The following CATSPERB variants were observed in gnomAD, a reference collection of about 807,000 sequenced individuals.
CATSPERB encodes the protein catsper channel auxiliary subunit beta.
A neutral mutation model predicts 128.3 loss-of-function variants in CATSPERB; 93 were observed. That is an observed-to-expected ratio of 0.72 (90% CI 0.61 to 0.86). The LOEUF (loss-of-function observed/expected upper bound fraction) is 0.86. CATSPERB is among the 40% of genes least tolerant of loss of function. CATSPERB has a pLI of 0.00. For missense variants in CATSPERB, 1,153 were observed against 1,329.5 expected (o/e 0.87, Z 2.06); for synonymous variants, 381 against 448.8 (o/e 0.85, Z 1.91).
intron 22 of CATSPERB, among the ~76,000 whole-genome samples, chr14:91,603,965 A>ATTT (rs35843912): frequency 7.2e-4 from 101 of 139,356 alleles, no homozygotes; most frequent in African/African-American, 2.6e-3. Flanking sequence ...AACTTCATCT[A>ATTT]TTTTTTTTTT....
intron 20 of CATSPERB, among the ~76,000 whole-genome samples, chr14:91,611,923 A>G (rs1893835952): frequency 6.6e-6 from 1 of 152,210 alleles, no homozygotes; most frequent in African/African-American, 2.4e-5. Context: ...GTTACATCCA[A>G]CTCATATCGT....
At chr14:91,597,799 TTA>T (rs767639161) in intron 22 of CATSPERB, among the ~76,000 whole-genome samples, 4 of 152,136 alleles carry the variant, frequency 2.6e-5, no homozygotes, top group Non-Finnish European at 5.9e-5. Flanking sequence ...TGTTTAAGAT[TTA>T]GCAGGACTTG....
Position 91,704,728 on chromosome 14 carries a change from A to T in CATSPERB, c.467-27T>A, listed in dbSNP as rs925772949. 8 of 1,603,270 alleles carry T rather than the reference A, an allele frequency of 5.0e-6. No homozygotes were observed. The East Asian group carries it at 9.0e-5, about 18-fold the overall frequency. Reference sequence around the variant, plus strand: ...TGTGGAAATCAAATTTGGGTGTTTAAATTGTGGGAGCACCCTTGAAAATGG... The same window carrying T: ...TGTGGAAATCAAATTTGGGTGTTTATATTGTGGGAGCACCCTTGAAAATGG... On this transcript the variant is annotated intron_variant, in intron 6 of 26. Transcript: ENST00000256343.
chr14:91,691,553 A>G lies in CATSPERB; in HGVS notation c.834T>C (p.Phe278=). 1 of 1,601,684 alleles carries G rather than the reference A, an allele frequency of 6.2e-7. No individual in the cohort carries two copies. The highest frequency in any genetic ancestry group is 8.5e-7 in the Non-Finnish European group (1 of 1,173,638). The change falls in exon 10 of 27, where the codon TTT becomes TTC. Residue 278 remains phenylalanine, a splice_region_variant and synonymous_variant. Coordinates refer to ENST00000256343, the MANE Select transcript of CATSPERB (RefSeq NM_024764.4). ...CAAAACCACAAAAGTCTGCCCTGGA[A>G]AACTAGAAGAAAAGAAGAAACTTTA... The part of the protein sequence containing the change: ...LRYPSRHSLS[F]SRADFCGFER...
At chr14:91,665,140 A>G (rs1262190145) in intron 14 of CATSPERB, among the ~76,000 whole-genome samples, 1 of 151,866 alleles carries the variant, frequency 6.6e-6, no homozygotes, top group Non-Finnish European at 1.5e-5. Context: ...CAATCCACTC[A>G]CCTTGACATC....
Position 91,587,286 on chromosome 14 carries a change from A to G in CATSPERB, c.3058-10T>C, listed in dbSNP as rs2139756325. 3 of 1,598,438 alleles carry G rather than the reference A, an allele frequency of 1.9e-6. No homozygotes were observed. The South Asian group carries it at 3.4e-5, about 18-fold the overall frequency. ...GGAAAAGTTCAGAGCCCTGTGGAAA[A>G]AAGCACACCCAGTTGTTAGCAGCAT... On this transcript the variant is annotated splice_polypyrimidine_tract_variant and intron_variant, in intron 25 of 26. Transcript: ENST00000256343.
At chr14:91,654,552 A>G (rs1894757475) in intron 15 of CATSPERB, among the ~76,000 whole-genome samples, 1 of 152,018 alleles carries the variant, frequency 6.6e-6, no homozygotes, top group Non-Finnish European at 1.5e-5. Context: ...AGTAAGAAAG[A>G]CTTTGTCTTG....
chr14:91,731,469 A>G (rs1896209285), intron 1 of CATSPERB, among the ~76,000 whole-genome samples: 1 of 152,236 alleles, frequency 6.6e-6, no homozygotes, highest in Non-Finnish European at 1.5e-5. Context: ...AAGCTATTTA[A>G]CTTCTTGGAG....
intron 10 of CATSPERB, among the ~76,000 whole-genome samples, chr14:91,688,406 A>G (rs1234361441): frequency 1.3e-5 from 2 of 152,142 alleles, no homozygotes; most frequent in East Asian, 3.8e-4. Flanking sequence ...TATTCCTTGG[A>G]TATGCCTACA....
chr14:91,716,703 T>G (rs111456346), intron 5 of CATSPERB, among the ~76,000 whole-genome samples: 6 of 131,432 alleles, frequency 4.6e-5, no homozygotes, highest in African/African-American at 1.7e-4. Context: ...GCATACATAT[T>G]TACAAGCATA....
At chr14:91,716,510 G>A (rs562466993) in intron 5 of CATSPERB, among the ~76,000 whole-genome samples, 69 of 152,054 alleles carry the variant, frequency 4.5e-4, no homozygotes, top group South Asian at 1.5e-3. Flanking sequence ...CCCAGGAGGC[G>A]GAGGCTGCAG....
At position 91,610,486 on chromosome 14, in the gene CATSPERB, A is replaced by C. The variant is rs762261454; in HGVS notation, c.2592T>G (p.Thr864=). The C allele has an allele frequency of 8.1e-6, 13 of 1,607,346 alleles. No individual in the cohort carries two copies. The highest frequency in any genetic ancestry group is 3.3e-4 in the Middle Eastern group (2 of 6,022). The change falls in exon 21 of 27, where the codon ACT becomes ACG. Residue 864 remains threonine (T), a synonymous_variant. Coordinates refer to ENST00000256343, the MANE Select transcript of CATSPERB (RefSeq NM_024764.4). ...CTTAGATTTTTTTTTTTACCGGCAA[A>C]GTTTTGATGAGGTTAAAACCCTGAC... ...KDSQGFNLIK[T]LPINYRPPSN... is the part of the protein sequence containing the mutation.
rs917037231 is a variant in CATSPERB at position 91,659,749 on chromosome 14, A to G, written c.1432+88T>C. ...CCCCTAATAGTTTTGAGGTCTTAGGATTAGTTGATTAATACGGCAGGTTTT... is the reference window on the plus strand; with the variant it reads ...CCCCTAATAGTTTTGAGGTCTTAGGGTTAGTTGATTAATACGGCAGGTTTT... On this transcript the variant is annotated intron_variant, in intron 15 of 26. Transcript: ENST00000256343. 4.7e-6 allele frequency: 6 copies of G among 1,286,858 alleles called. No homozygotes were observed. The Admixed American group carries it at 9.5e-5, about 20-fold the overall frequency. 79.7% of individuals were successfully genotyped at this position (1,286,858 alleles called of 1,614,324 possible).
intron 22 of CATSPERB, among the ~76,000 whole-genome samples, chr14:91,593,505 C>G (rs1461007050): frequency 4.6e-5 from 7 of 152,216 alleles, no homozygotes; most frequent in Non-Finnish European, 1.5e-5. Flanking sequence ...AATTTGACTG[C>G]CCTGCTGGAT....
chr14:91,688,787 T>G (rs924239758), intron 10 of CATSPERB, among the ~76,000 whole-genome samples: 1 of 152,234 alleles, frequency 6.6e-6, no homozygotes, highest in African/African-American at 2.4e-5. Context: ...AGCTCTTTAT[T>G]GATATTGACT....
chr14:91,651,311 A>G (rs1028133665), intron 15 of CATSPERB, among the ~76,000 whole-genome samples: 3 of 152,162 alleles, frequency 2.0e-5, no homozygotes, highest in Admixed American at 2.0e-4. Flanking sequence ...TCCCTACTCC[A>G]TTCCAGCTTT....
chr14:91,619,527 C>T (rs541352696), intron 19 of CATSPERB, among the ~76,000 whole-genome samples: 17 of 137,578 alleles, frequency 1.2e-4, no homozygotes, highest in Admixed American at 2.4e-4. Flanking sequence ...CTACTTGGTT[C>T]TGTTTTTTCA....
At chr14:91,669,701 C>A in intron 14 of CATSPERB, 113 bp downstream of exon 14, 1 of 997,344 alleles carries the variant, frequency 1.0e-6, no homozygotes, top group Non-Finnish European at 1.4e-6. Context: ...GTCTTCCCTC[C>A]CACTGCCATC....
At position 91,720,893 on chromosome 14, in the gene CATSPERB, C is replaced by T. The variant is rs1045151302; in HGVS notation, c.310-1415G>A. Among the ~76,000 whole-genome samples, 3 of 152,102 alleles carry T rather than the reference C, an allele frequency of 2.0e-5. No homozygotes were observed. The East Asian group carries it at 5.8e-4, about 29-fold the overall frequency. On this transcript the variant is annotated intron_variant, in intron 4 of 26. Transcript: ENST00000256343. ...ATAAAGATAGACATGTGGATCAATG[C>T]AATAAAATTGAGAATCCAGAAATAA...
Sources: allele counts gnomAD v4.1 joint callset (sites outside exome capture counted in the v4.1 genomes callset), GRCh38; gene constraint gnomAD v4.1.1; transcripts MANE v1.5; gene names NCBI Gene and HGNC (gene_info 2026-07-23, HGNC 2026-07-21).